ADAMTSL1: variants seen among roughly 807,000 people sequenced by gnomAD.
The protein encoded by ADAMTSL1 is ADAMTS-like protein 1.
A neutral mutation model predicts 201.8 loss-of-function variants in ADAMTSL1; 126 were observed. That is an observed-to-expected ratio of 0.62 (90% CI 0.54 to 0.72). The LOEUF (loss-of-function observed/expected upper bound fraction) is 0.72, where lower values mean the gene tolerates loss of function less well. Among genes scored for constraint, ADAMTSL1 ranks in the 30% least tolerant of loss-of-function variants. The pLI, the probability that ADAMTSL1 is intolerant of heterozygous loss-of-function variation, is 0.00. For missense variants in ADAMTSL1, 2,679 were observed against 2,277.8 expected, an observed-to-expected ratio of 1.18 and a Z score of -3.59; for synonymous variants, 1,121 against 903.4, an observed-to-expected ratio of 1.24 and a Z score of -4.32.
chr9:18,854,474 G>C (rs931722741), intron 23 of ADAMTSL1, among the ~76,000 whole-genome samples: 1 of 152,194 alleles, frequency 6.6e-6, no homozygotes, highest in Non-Finnish European at 1.5e-5. Flanking sequence ...TTGCCTGTGA[G>C]AAGAGGAACC....
intron 1 of ADAMTSL1, among the ~76,000 whole-genome samples, chr9:18,075,555 A>C (rs528892722): frequency 3.3e-4 from 50 of 152,284 alleles, no homozygotes; most frequent in African/African-American, 1.2e-3. Context: ...TCATTACTTT[A>C]TAGCACACTA....
intron 26 of ADAMTSL1, chr9:18,905,564 C>G (rs1247190220): frequency 1.8e-6 from 1 of 542,996 alleles, no homozygotes; most frequent in Non-Finnish European, 3.3e-6. Context: ...TAGCCATTTG[C>G]TGGCAGAATG....
chr9:18,667,893 T>C (rs939450253), intron 9 of ADAMTSL1, among the ~76,000 whole-genome samples: 6 of 152,154 alleles, frequency 3.9e-5, no homozygotes, highest in African/African-American at 1.4e-4. Flanking sequence ...TTTATCAGAT[T>C]TTTTTAAATA....
chr9:18,532,120 A>C (rs1819480935), intron 2 of ADAMTSL1, among the ~76,000 whole-genome samples: 1 of 152,206 alleles, frequency 6.6e-6, no homozygotes. Flanking sequence ...CTTTTTAAAA[A>C]ATGTGTGACA....
In ADAMTSL1 at chr9:18,198,907, C is replaced by T. The variant is rs1388239668; in HGVS notation, c.207+34926C>T. On this transcript the variant is annotated intron_variant, in intron 2 of 29. Coordinates refer to the ADAMTSL1 transcript ENST00000680146. ...GGATTAAGAAAATGTGGCACATATA[C>T]ACCATGGAATACTATGCAGCCATAA... 3.5e-5 allele frequency among the ~76,000 whole-genome samples: 5 copies of T among 141,846 alleles called. No homozygotes were observed. The East Asian group carries it at 6.1e-4, about 17-fold the overall frequency. 93.1% of individuals were successfully genotyped at this position (141,846 alleles called of 152,430 possible).
At chr9:18,179,971 C>T (rs1240549463) in intron 2 of ADAMTSL1, among the ~76,000 whole-genome samples, 1 of 151,780 alleles carries the variant, frequency 6.6e-6, no homozygotes, top group South Asian at 2.1e-4. Flanking sequence ...CATCAACTAA[C>T]AAGCAAAATA....
chr9:18,324,720 C>T (rs1308325636), intron 2 of ADAMTSL1, among the ~76,000 whole-genome samples: 4 of 150,728 alleles, frequency 2.7e-5, no homozygotes, highest in African/African-American at 7.3e-5. Context: ...GCTGAGATCG[C>T]GCCATCACAC....
chr9:18,137,690 A>G (rs2131991230), intron 1 of ADAMTSL1, among the ~76,000 whole-genome samples: 1 of 152,310 alleles, frequency 6.6e-6, no homozygotes. Context: ...ATAATTATAA[A>G]GAATTCCCAC....
chr9:18,753,493 T>C lies in ADAMTSL1; in HGVS notation c.2202T>C (p.Pro734=). 6.2e-7 allele frequency: 1 copy of C among 1,612,220 alleles called. No homozygotes were observed. The highest frequency in any genetic ancestry group is 8.5e-7 in the Non-Finnish European group (1 of 1,179,576). ...NRFNCPPAWY[P]AQWQPCSRTC... The stretch of plus-strand genomic sequence containing the variant: ...TTAATTGCCCCCCAGCCTGGTACCC[T>C]GCACAGTGGCAGCCGGTGAGTTCTG... Residue 734 remains proline (P), a synonymous_variant, in exon 16 of 29, where the codon CCT becomes CCC. Coordinates refer to ENST00000380548, the MANE Select transcript of ADAMTSL1 (RefSeq NM_001040272.6).
chr9:18,261,263 C>T (rs548405875), intron 2 of ADAMTSL1, among the ~76,000 whole-genome samples: 3 of 152,012 alleles, frequency 2.0e-5, no homozygotes, highest in African/African-American at 7.2e-5. Flanking sequence ...TGAGAGAGGC[C>T]TTTTGTGCTT....
chr9:18,864,958 C>T (rs1827416184), intron 23 of ADAMTSL1, among the ~76,000 whole-genome samples: 1 of 151,216 alleles, frequency 6.6e-6, no homozygotes, highest in Admixed American at 6.6e-5. Context: ...GATGTCTTTT[C>T]TGGTGTTTAA....
At chr9:17,999,216 A>T (rs77203564) in intron 1 of ADAMTSL1, among the ~76,000 whole-genome samples, 1,748 of 152,118 alleles carry the variant, frequency 0.011, 31 homozygotes, top group African/African-American at 0.04. Context: ...TAGGAGAAAC[A>T]ATTCCTTTGT....
intron 2 of ADAMTSL1, among the ~76,000 whole-genome samples, chr9:18,409,789 T>C (rs1174840545): frequency 6.7e-6 from 1 of 150,172 alleles, no homozygotes; most frequent in Non-Finnish European, 1.5e-5. Flanking sequence ...GTTATGACTC[T>C]CTAGAAGACT....
At position 18,776,927 on chromosome 9, in the gene ADAMTSL1, C is replaced by A; in HGVS notation, c.2698C>A (p.Pro900Thr). 6.2e-7 allele frequency: 1 copy of A among 1,604,742 alleles called. No homozygotes were observed. The highest frequency in any genetic ancestry group is 8.5e-7 in the Non-Finnish European group (1 of 1,175,992). The change falls in exon 19 of 29, where the codon CCG becomes ACG. Residue 900 changes from proline (P) to threonine (T), a missense_variant. Transcript: ENST00000380548. Reference protein sequence around the residue: ...LPKTAVVLRCPARRVRKPLIT... With the variant: ...LPKTAVVLRCTARRVRKPLIT... ...CAAGACGGCGGTGGTGCTGCGCTGC[C>A]CGGCGCGCAGGGTCCGCAAGCCCCT...
At chr9:18,187,529 AAAG>A (rs1192283848) in intron 2 of ADAMTSL1, among the ~76,000 whole-genome samples, 1 of 152,130 alleles carries the variant, frequency 6.6e-6, no homozygotes, top group African/African-American at 2.4e-5. Context: ...TTTGGAATAA[AAAG>A]AAAGAAAAAA....
intron 2 of ADAMTSL1, among the ~76,000 whole-genome samples, chr9:18,233,097 A>G (rs372336332): frequency 1.2e-3 from 188 of 152,294 alleles, no homozygotes; most frequent in African/African-American, 4.3e-3. Flanking sequence ...AGCTAAAACA[A>G]TAACTCAGAC....
At chr9:18,350,152 T>A (rs906333930) in intron 2 of ADAMTSL1, among the ~76,000 whole-genome samples, 1 of 151,984 alleles carries the variant, frequency 6.6e-6, no homozygotes, top group African/African-American at 2.4e-5. Flanking sequence ...TCCTGGTTTG[T>A]TTTGATACAT....
chr9:18,221,250 A>G (rs1830248253), intron 2 of ADAMTSL1, among the ~76,000 whole-genome samples: 1 of 152,180 alleles, frequency 6.6e-6, no homozygotes. Context: ...TGCTGTTGCT[A>G]TACACAACAG....
At chr9:18,459,491 G>T (rs1481363659) in intron 2 of ADAMTSL1, among the ~76,000 whole-genome samples, 1 of 152,026 alleles carries the variant, frequency 6.6e-6, no homozygotes, top group African/African-American at 2.4e-5. Context: ...TCTTAGAATA[G>T]TCAAGCTTTG....
Sources: allele counts gnomAD v4.1 joint callset (sites outside exome capture counted in the v4.1 genomes callset), GRCh38; gene constraint gnomAD v4.1.1; transcripts MANE v1.5; gene names NCBI Gene and HGNC (gene_info 2026-07-23, HGNC 2026-07-21).